Variants in DPP10 observed in about 807,000 individuals in gnomAD.
DPP10 encodes inactive dipeptidyl peptidase 10.
Under a neutral mutation model 120.9 loss-of-function variants are expected in DPP10, and 33 were observed. The ratio of observed to expected loss-of-function variants is 0.27; its 90% CI spans 0.21 to 0.37. The LOEUF (loss-of-function observed/expected upper bound fraction) is 0.37, where lower values mean the gene tolerates loss of function less well. DPP10 is among the 10% of genes least tolerant of loss of function. The probability of loss-of-function intolerance (pLI) is 1.00; values close to 1 mark genes in which losing one functional copy is unlikely to be tolerated. For synonymous variants in DPP10, 337 were observed against 326.1 expected, an observed-to-expected ratio of 1.03 and a Z score of -0.36; for missense variants, 816 against 942.8, an observed-to-expected ratio of 0.87 and a Z score of 1.76.
At chr2:115,454,541 A>G (rs1322961367) in intron 3 of DPP10, among the ~76,000 whole-genome samples, 1 of 151,720 alleles carries the variant, frequency 6.6e-6, no homozygotes, top group Admixed American at 6.6e-5. Context: ...CATGATAAAA[A>G]CTCTCAAAAA....
intron 1 of DPP10, among the ~76,000 whole-genome samples, chr2:114,550,787 G>C (rs762410259): frequency 2.0e-5 from 3 of 152,170 alleles, no homozygotes; most frequent in Non-Finnish European, 2.9e-5. Context: ...CAACCTGTGT[G>C]TCTCTCAAGG....
intron 1 of DPP10, among the ~76,000 whole-genome samples, chr2:114,593,567 A>G (rs1691635554): frequency 6.6e-6 from 1 of 152,182 alleles, no homozygotes; most frequent in African/African-American, 2.4e-5. Context: ...TATTCATCGC[A>G]GTCGGTCTTT....
chr2:115,485,573 TATTTA>T (rs1467454968), intron 3 of DPP10, among the ~76,000 whole-genome samples: 1 of 139,566 alleles, frequency 7.2e-6, no homozygotes, highest in African/African-American at 2.5e-5. Flanking sequence ...ATCAATTTTC[TATTTA>T]ATTAAGTCTT....
intron 1 of DPP10, among the ~76,000 whole-genome samples, chr2:114,739,533 C>T (rs1677811636): frequency 6.6e-6 from 1 of 152,186 alleles, no homozygotes; most frequent in South Asian, 2.1e-4. Flanking sequence ...GTGGCACGCA[C>T]CTGTAATCCC....
At chr2:114,458,794 C>T (rs1678716177) in intron 1 of DPP10, among the ~76,000 whole-genome samples, 1 of 151,986 alleles carries the variant, frequency 6.6e-6, no homozygotes, top group Non-Finnish European at 1.5e-5. Context: ...TTTGAGGAGT[C>T]ATTGATAAAA....
intron 1 of DPP10, among the ~76,000 whole-genome samples, chr2:114,975,563 G>A (rs967487511): frequency 1.2e-4 from 18 of 152,078 alleles, no homozygotes; most frequent in African/African-American, 4.3e-4. Flanking sequence ...ATGCGTTTGT[G>A]CTAATACAAA....
At chr2:114,562,233 G>A (rs759968064) in intron 1 of DPP10, among the ~76,000 whole-genome samples, 2 of 152,162 alleles carry the variant, frequency 1.3e-5, no homozygotes, top group Non-Finnish European at 2.9e-5. Context: ...TCTATTTTGA[G>A]AGAATAAACC....
At chr2:114,543,366 C>T (rs957080074) in intron 1 of DPP10, among the ~76,000 whole-genome samples, 3 of 152,202 alleles carry the variant, frequency 2.0e-5, no homozygotes, top group African/African-American at 4.8e-5. Flanking sequence ...TCCTCCACTC[C>T]TGCGTCCCTG....
intron 1 of DPP10, among the ~76,000 whole-genome samples, chr2:114,969,745 C>T (rs558554024): frequency 7.3e-4 from 111 of 151,976 alleles, no homozygotes; most frequent in African/African-American, 2.4e-3. Flanking sequence ...AACAAACAAA[C>T]GAAAAAAACA....
intron 5 of DPP10, among the ~76,000 whole-genome samples, chr2:115,597,573 TA>T (rs2083066755): frequency 6.7e-6 from 1 of 149,852 alleles, no homozygotes; most frequent in Non-Finnish European, 1.5e-5. Flanking sequence ...TATTAATATA[TA>T]TTTTATATGC....
intron 3 of DPP10, among the ~76,000 whole-genome samples, chr2:115,419,987 T>A (rs776375303): frequency 6.6e-6 from 1 of 152,130 alleles, no homozygotes; most frequent in Non-Finnish European, 1.5e-5. Context: ...TATCCTTAAC[T>A]GAGGGAAAAA....
At chr2:114,638,251 A>G (rs1313398635) in intron 1 of DPP10, among the ~76,000 whole-genome samples, 3 of 151,720 alleles carry the variant, frequency 2.0e-5, no homozygotes, top group Admixed American at 6.6e-5. Flanking sequence ...ATTGTAAATG[A>G]GATGTGTTCT....
At chr2:115,316,363 G>C (rs1462563314) in intron 2 of DPP10, among the ~76,000 whole-genome samples, 1 of 152,072 alleles carries the variant, frequency 6.6e-6, no homozygotes, top group Admixed American at 6.6e-5. Context: ...ATGGATGATA[G>C]GGGCAAAAAA....
intron 1 of DPP10, among the ~76,000 whole-genome samples, chr2:114,766,422 C>T (rs751694027): frequency 7.9e-5 from 12 of 152,164 alleles, no homozygotes; most frequent in East Asian, 1.9e-4. Context: ...TATTTGAAAC[C>T]CAGCAATCAC....
At chr2:115,767,469 A>G (rs1265814973) in intron 12 of DPP10, among the ~76,000 whole-genome samples, 1 of 21,484 alleles carries the variant, frequency 4.7e-5, no homozygotes, top group Non-Finnish European at 1.6e-4. Context: ...CTCTACATAC[A>G]TATATGTGTG....
At chr2:114,859,323 G>T (rs759782776) in intron 1 of DPP10, among the ~76,000 whole-genome samples, 1 of 150,268 alleles carries the variant, frequency 6.7e-6, no homozygotes, top group East Asian at 2.0e-4. Flanking sequence ...AGCCAAGATC[G>T]TGCCATTGCA....
chr2:114,947,158 T>A lies in DPP10; in HGVS notation c.61-362081T>A, dbSNP rs546811538. On this transcript the variant is annotated intron_variant, in intron 1 of 25. Transcript: ENST00000410059. ...TTTTTTTTTTAGTTCTGTGTCCTTT[T>A]TAGTTGATCATTTGCTGCTTCATAT... 1.5e-3 allele frequency among the ~76,000 whole-genome samples: 230 copies of A among 152,204 alleles called. 2 individuals carry two copies. The highest frequency in any genetic ancestry group is 5.2e-3 in the African/African-American group (215 of 41,568).
intron 1 of DPP10, among the ~76,000 whole-genome samples, chr2:115,109,142 T>C (rs574241810): frequency 1.2e-4 from 18 of 152,222 alleles, no homozygotes; most frequent in Non-Finnish European, 2.2e-4. Context: ...TCAAGTCATC[T>C]GGGGAAGGAT....
intron 1 of DPP10, among the ~76,000 whole-genome samples, chr2:114,818,619 T>C (rs1195116992): frequency 6.6e-6 from 1 of 152,022 alleles, no homozygotes; most frequent in Non-Finnish European, 1.5e-5. Flanking sequence ...TTATTATAGA[T>C]CTTATTTAGG....
Sources: allele counts gnomAD v4.1 joint callset (sites outside exome capture counted in the v4.1 genomes callset), GRCh38; gene constraint gnomAD v4.1.1; transcripts MANE v1.5; gene names NCBI Gene and HGNC (gene_info 2026-07-23, HGNC 2026-07-21).